SOCS4: variants seen among roughly 807,000 people sequenced by gnomAD.
SOCS4 encodes the protein suppressor of cytokine signaling 4.
Under a neutral mutation model 34.1 loss-of-function variants are expected in SOCS4, and 20 were observed. The ratio of observed to expected loss-of-function variants is 0.59; its 90% CI spans 0.41 to 0.85. The LOEUF is 0.85. Ranked by LOEUF, SOCS4 falls within the 40% of genes least tolerant of loss-of-function variation. SOCS4 has a pLI of 0.00. For synonymous variants in SOCS4, 180 were observed against 186.4 expected, an observed-to-expected ratio of 0.97 and a Z score of 0.28; for missense variants, 479 against 532.4, an observed-to-expected ratio of 0.90 and a Z score of 0.99.
rs1192545241 is a variant in SOCS4, at chr14:55,045,578, AGG to A, written c.*1217_*1218del. On this transcript the variant is annotated 3_prime_UTR_variant, in exon 3 of 3. Transcript: ENST00000555846. ...ACCATACAGAACAGTACTGGACAAA[AGG>A]GGTGATATTTTAAATTTACTATCCC... The A allele has an allele frequency of 6.0e-6, 1 of 166,908 alleles. No individual in the cohort carries two copies. The highest frequency in any genetic ancestry group is 1.5e-5 in the Non-Finnish European group (1 of 68,034). The allele number at this position is 166,908 out of a possible 1,614,324, so 10.3% of individuals were successfully genotyped here.
Position 55,044,249 on chromosome 14 carries a change from A to C in SOCS4, c.1208A>C (p.Tyr403Ser). The change falls in exon 3 of 3, where the codon TAT becomes TCT. Residue 403 changes from tyrosine (Y) to serine (S), a missense_variant. Transcript: ENST00000555846. ...CRTVICNCTT[Y>S]DGIDALPIPS... Reference sequence around the variant, plus strand: ...ACAGTTATTTGTAACTGTACAACTTATGATGGCATCGATGCCCTTCCAATT... The same window carrying C: ...ACAGTTATTTGTAACTGTACAACTTCTGATGGCATCGATGCCCTTCCAATT... The C allele has an allele frequency of 6.2e-7, 1 of 1,614,072 alleles. No homozygotes were observed. Among genetic ancestry groups the C allele is most frequent in the Non-Finnish European group, 8.5e-7 (1 of 1,179,948 alleles).
chr14:55,049,136 TAAAG>T lies in SOCS4; in HGVS notation c.*4774_*4777del, dbSNP rs921314228. ...AAAAGTTGATTACGTTTTCAGAAAATAAAGATAATCACTTTTGCCATGGTTATAA... is the reference window on the plus strand; with the variant it reads ...AAAAGTTGATTACGTTTTCAGAAAATATAATCACTTTTGCCATGGTTATAA... On this transcript the variant is annotated 3_prime_UTR_variant, in exon 3 of 3. Coordinates refer to ENST00000555846, the MANE Select transcript of SOCS4 (RefSeq NM_199421.2). 1.2e-5 allele frequency: 2 copies of T among 166,846 alleles called. No individual in the cohort carries two copies. The highest frequency in any genetic ancestry group is 6.5e-5 in the Admixed American group (1 of 15,282). 10.3% of individuals were successfully genotyped at this position (166,846 alleles called of 1,614,324 possible).
intron 1 of SOCS4, among the ~76,000 whole-genome samples, chr14:55,029,218 G>A (rs1440741370): frequency 6.6e-6 from 1 of 152,210 alleles, no homozygotes; most frequent in Non-Finnish European, 1.5e-5. Flanking sequence ...AATGAAAGAT[G>A]TGTAACTTAA....
At position 55,034,944 on chromosome 14, in the gene SOCS4, G is replaced by A. The variant is rs1159679589; in HGVS notation, c.-91+2953G>A. On this transcript the variant is annotated intron_variant, in intron 2 of 2. Transcript: ENST00000555846. ...GGTGCAATCTTGGCTCACTGCAACC[G>A]CCGCCTCCCAGGTTCAAGCCATTCT... 8.2e-5 allele frequency among the ~76,000 whole-genome samples: 12 copies of A among 146,240 alleles called. No individual in the cohort carries two copies. The South Asian group carries it at 1.5e-3, about 19-fold the overall frequency.
chr14:55,034,534 C>G (rs2042555445), intron 2 of SOCS4, among the ~76,000 whole-genome samples: 2 of 152,084 alleles, frequency 1.3e-5, no homozygotes, highest in African/African-American at 4.8e-5. Context: ...AAAACAGTAA[C>G]TAATCAGAAA....
Position 55,043,556 on chromosome 14 carries a change from G to C in SOCS4, c.515G>C (p.Arg172Thr), listed in dbSNP as rs776625549. 6.2e-7 allele frequency: 1 copy of C among 1,614,144 alleles called. No individual in the cohort carries two copies. Among genetic ancestry groups the C allele is most frequent in the Admixed American group, 1.7e-5 (1 of 60,022 alleles). Residue 172 changes from arginine to threonine, a missense_variant, in exon 3 of 3, where the codon AGG (arginine) becomes ACG (threonine). Arg to Thr is a moderately conservative substitution (Grantham distance 71, BLOSUM62 -1). Coordinates refer to ENST00000555846, the MANE Select transcript of SOCS4 (RefSeq NM_199421.2). Reference protein sequence around the residue: ...VSTDLSQTELRDGQLKRRNME... With the variant: ...VSTDLSQTELTDGQLKRRNME... The stretch of plus-strand genomic sequence containing the variant: ...ACAGACTTGTCTCAGACTGAATTGA[G>C]GGATGGTCAGCTAAAACGAAGAAAT...
intron 2 of SOCS4, among the ~76,000 whole-genome samples, chr14:55,039,916 G>A (rs2042603133): frequency 6.6e-6 from 1 of 152,100 alleles, no homozygotes; most frequent in Admixed American, 6.5e-5. Context: ...AAGAAAAAAA[G>A]AACACAGCTA....
chr14:55,046,170 C>T lies in SOCS4; in HGVS notation c.*1806C>T, dbSNP rs1299657191. 2 of 166,644 alleles carry T rather than the reference C, an allele frequency of 1.2e-5. No individual in the cohort carries two copies. Among genetic ancestry groups the T allele is most frequent in the South Asian group, 2.1e-4 (1 of 4,806 alleles). 10.3% of individuals were successfully genotyped at this position (166,644 alleles called of 1,614,324 possible). ...TCAGGATAAATATCTCTTCTAAAGA[C>T]GATATTTACCTTTTACAAGGTTAGA... On this transcript the variant is annotated 3_prime_UTR_variant, in exon 3 of 3. Coordinates refer to ENST00000555846, the MANE Select transcript of SOCS4 (RefSeq NM_199421.2).
At chr14:55,034,321 G>A (rs1408399861) in intron 2 of SOCS4, among the ~76,000 whole-genome samples, 4 of 152,080 alleles carry the variant, frequency 2.6e-5, no homozygotes, top group African/African-American at 9.7e-5. Flanking sequence ...ATTAGTTTTT[G>A]TATGTTTTAG....
At chr14:55,032,998 G>T (rs560483355) in intron 2 of SOCS4, among the ~76,000 whole-genome samples, 23 of 152,192 alleles carry the variant, frequency 1.5e-4, no homozygotes, top group Admixed American at 4.6e-4. Context: ...TAGTCAGGAT[G>T]GTCTCGATCT....
At chr14:55,032,229 G>A (rs2042535049) in intron 2 of SOCS4, among the ~76,000 whole-genome samples, 1 of 152,048 alleles carries the variant, frequency 6.6e-6, no homozygotes. Flanking sequence ...CATCATAGAG[G>A]ATACTAATTA....
chr14:55,033,923 G>A (rs561572923), intron 2 of SOCS4, among the ~76,000 whole-genome samples: 7 of 152,250 alleles, frequency 4.6e-5, no homozygotes, highest in East Asian at 3.9e-4. Context: ...ATTTGAGGTC[G>A]AGGAATTCAA....
chr14:55,033,097 A>G (rs780669411), intron 2 of SOCS4, among the ~76,000 whole-genome samples: 59 of 152,248 alleles, frequency 3.9e-4, no homozygotes, highest in Admixed American at 1.2e-3. Flanking sequence ...CAAAGTTTTT[A>G]TAAAATTTTA....
chr14:55,041,783 CTTTTTTTTTTTT>C (rs35998700), intron 2 of SOCS4, among the ~76,000 whole-genome samples: 771 of 40,120 alleles, frequency 0.019, 52 homozygotes, highest in African/African-American at 0.059. Context: ...AACCCTTAAT[CTTTTTTTTTTTT>C]TTTTTTTTTT....
intron 2 of SOCS4, among the ~76,000 whole-genome samples, chr14:55,040,866 A>G (rs984842310): frequency 6.6e-6 from 1 of 151,584 alleles, no homozygotes; most frequent in Non-Finnish European, 1.5e-5. Flanking sequence ...TGGAGGGCTG[A>G]CCATAATAAC....
At chr14:55,041,156 A>G (rs1165641762) in intron 2 of SOCS4, among the ~76,000 whole-genome samples, 1 of 152,172 alleles carries the variant, frequency 6.6e-6, no homozygotes, top group Non-Finnish European at 1.5e-5. Context: ...AAGTGCTGAG[A>G]TTACAGGCAT....
intron 2 of SOCS4, among the ~76,000 whole-genome samples, chr14:55,033,995 G>A (rs1024033286): frequency 6.6e-6 from 1 of 152,150 alleles, no homozygotes; most frequent in African/African-American, 2.4e-5. Flanking sequence ...TTAGCTGGGC[G>A]TGGTGGCACA....
chr14:55,044,271 A>C lies in SOCS4; in HGVS notation c.1230A>C (p.Pro410=), dbSNP rs145475861. The C allele has an allele frequency of 1.1e-5, 17 of 1,613,916 alleles. No homozygotes were observed. The African/African-American group carries it at 2.0e-4, about 19-fold the overall frequency. ...CTTATGATGGCATCGATGCCCTTCC[A>C]ATTCCTTCTTCTATGAAATTATATC... is the stretch of plus-strand genomic sequence containing the variant. ...CTTYDGIDAL[P]IPSSMKLYLK... is the part of the protein sequence containing the mutation. The change falls in exon 3 of 3, where the codon CCA becomes CCC. Residue 410 remains proline, a synonymous_variant. Transcript: ENST00000555846.
chr14:55,030,108 G>C (rs1189533437), intron 1 of SOCS4, among the ~76,000 whole-genome samples: 2 of 152,074 alleles, frequency 1.3e-5, no homozygotes, highest in African/African-American at 2.4e-5. Context: ...CTAGTCCAAG[G>C]TAGTCTACCG....
Sources: allele counts gnomAD v4.1 joint callset (sites outside exome capture counted in the v4.1 genomes callset), GRCh38; gene constraint gnomAD v4.1.1; transcripts MANE v1.5; gene names NCBI Gene and HGNC (gene_info 2026-07-23, HGNC 2026-07-21).